Variants in ASIC1 observed in about 807,000 individuals in gnomAD.
ASIC1 encodes the protein acid sensing ion channel subunit 1.
ASIC1 carries 21 observed loss-of-function variants against 63.4 expected under a neutral mutation model. That is an observed-to-expected ratio of 0.33 (90% CI 0.23 to 0.48). The LOEUF (loss-of-function observed/expected upper bound fraction) is 0.48, where lower values mean the gene tolerates loss of function less well. Ranked by LOEUF, ASIC1 falls within the 20% of genes least tolerant of loss-of-function variation. ASIC1 has a pLI of 0.99. For missense variants in ASIC1, 478 were observed against 695.5 expected, an observed-to-expected ratio of 0.69 and a Z score of 3.52; for synonymous variants, 258 against 278.2, an observed-to-expected ratio of 0.93 and a Z score of 0.72.
intron 3 of ASIC1, among the ~76,000 whole-genome samples, chr12:50,076,466 C>CA (rs11461680): frequency 0.57 from 83,319 of 144,934 alleles, 23,919 homozygotes; most frequent in African/African-American, 0.69. Context: ...GACTCCATCC[C>CA]AAAAAAAAAA....
intron 4 of ASIC1, 45 bp downstream of exon 4, chr12:50,077,408 C>T: frequency 6.2e-7 from 1 of 1,609,202 alleles, no homozygotes; most frequent in Non-Finnish European, 8.5e-7. Flanking sequence ...CTCTAGGCCC[C>T]AGCCTCTGCC....
At chr12:50,073,734 A>C in intron 3 of ASIC1, 1 of 1,536,536 alleles carries the variant, frequency 6.5e-7, no homozygotes, top group Non-Finnish European at 8.7e-7. Context: ...AAAAGGAGGC[A>C]GTGAGGAAGG....
rs1188353222 is a variant in ASIC1 at position 50,083,424 on chromosome 12, T to C, written c.*1775T>C. ...AGAACAGGACCTGTGAGCAGCTGCA[T>C]TGGCCTGGAGCTGGAGAGTAAGGCT... is the stretch of plus-strand genomic sequence containing the variant. On this transcript the variant is annotated 3_prime_UTR_variant, in exon 12 of 12. Coordinates refer to ENST00000447966, the MANE Select transcript of ASIC1 (RefSeq NM_001095.4). 1 of 152,616 alleles carries C rather than the reference T, an allele frequency of 6.6e-6. No homozygotes were observed. The highest frequency in any genetic ancestry group is 1.5e-5 in the Non-Finnish European group (1 of 68,130). The allele number at this position is 152,616 out of a possible 1,614,324, so 9.5% of individuals were successfully genotyped here. A position where few individuals can be genotyped will look rare whatever the true frequency, so the allele number is the denominator to read the frequency against.
rs192015419 is a variant in ASIC1, at chr12:50,067,843, C to T, written c.558+7889C>T. Among the ~76,000 whole-genome samples the T allele has an allele frequency of 2.2e-3, 334 of 152,252 alleles. 3 individuals are homozygous for T. Among genetic ancestry groups the T allele is most frequent in the Non-Finnish European group, 3.6e-3 (247 of 68,012 alleles). On this transcript the variant is annotated intron_variant, in intron 3 of 11. Coordinates refer to ENST00000447966, the MANE Select transcript of ASIC1 (RefSeq NM_001095.4). ...TTTCTTCTACTTGGCCATTTAGTGT[C>T]ATCACTACTCAAGGCTCAGTCTCAA... is the stretch of plus-strand genomic sequence containing the variant.
chr12:50,073,903 G>C (rs995462064), intron 3 of ASIC1: 2 of 1,535,118 alleles, frequency 1.3e-6, no homozygotes, highest in Non-Finnish European at 1.7e-6. Flanking sequence ...CCTGTGCCAG[G>C]TAGGGGACCG....
intron 3 of ASIC1, among the ~76,000 whole-genome samples, chr12:50,067,567 C>T (rs566778606): frequency 7.2e-5 from 11 of 152,054 alleles, no homozygotes; most frequent in Admixed American, 2.0e-4. Flanking sequence ...TGCCACCATG[C>T]GCGGCTATTT....
chr12:50,069,207 T>C (rs1363559576), intron 3 of ASIC1, among the ~76,000 whole-genome samples: 2 of 138,878 alleles, frequency 1.4e-5, no homozygotes, highest in Non-Finnish European at 3.4e-5. Flanking sequence ...CACACAAATA[T>C]ATACACACAC....
At chr12:50,058,531 G>A (rs1950468744) in intron 1 of ASIC1, among the ~76,000 whole-genome samples, 1 of 152,202 alleles carries the variant, frequency 6.6e-6, no homozygotes, top group Admixed American at 6.5e-5. Flanking sequence ...TCTCTGGGGA[G>A]CATTCTCTTG....
At position 50,081,802 on chromosome 12, in the gene ASIC1, G is replaced by A. The variant is rs1439507435; in HGVS notation, c.*153G>A. On this transcript the variant is annotated 3_prime_UTR_variant, in exon 12 of 12. Transcript: ENST00000447966. ...TGGTAAGGAAGGAGTCTTGACCATA[G>A]AGTCCTCTCTCTGCCTCTATCCCAT... 3.1e-6 allele frequency: 2 copies of A among 652,118 alleles called. No individual in the cohort carries two copies. Among genetic ancestry groups the A allele is most frequent in the Admixed American group, 2.9e-5 (1 of 35,042 alleles). The allele number at this position is 652,118 out of a possible 1,614,324, so 40.4% of individuals were successfully genotyped here.
rs531831263 is a variant in ASIC1, at chr12:50,068,935, T to C, written c.559-8278T>C. On this transcript the variant is annotated intron_variant, in intron 3 of 11. Transcript: ENST00000447966. ...AGCAGCCCTTCTATATCCTTCACTC[T>C]GCAGCCAGAGTGGTCTTTTCAAATC... Among the ~76,000 whole-genome samples the C allele has an allele frequency of 8.5e-5, 13 of 152,302 alleles. No homozygotes were observed. In the East Asian group the frequency reaches 2.5e-3, roughly 29 times the overall value.
intron 7 of ASIC1, among the ~76,000 whole-genome samples, chr12:50,079,674 G>A (rs187123105): frequency 3.3e-5 from 5 of 152,252 alleles, no homozygotes; most frequent in Admixed American, 6.5e-5. Context: ...CATCTACATC[G>A]TTGGTTCAGT....
intron 3 of ASIC1, among the ~76,000 whole-genome samples, chr12:50,063,756 G>A (rs1950521991): frequency 6.6e-6 from 1 of 152,124 alleles, no homozygotes; most frequent in Non-Finnish European, 1.5e-5. Flanking sequence ...GTGGGCGCCT[G>A]ATCCTGGGAC....
At chr12:50,073,786 GCC>G (rs1280642796) in intron 3 of ASIC1, 2 of 1,535,932 alleles carry the variant, frequency 1.3e-6, no homozygotes, top group East Asian at 4.9e-5. Flanking sequence ...GGTGGCCTTT[GCC>G]AACAGCTGCA....
rs1335133776 is a variant in ASIC1 at position 50,058,964 on chromosome 12, G to T, written c.198G>T (p.Gln66His). 1 of 1,614,094 alleles carries T rather than the reference G, an allele frequency of 6.2e-7. No homozygotes were observed. Among genetic ancestry groups the T allele is most frequent in the East Asian group, 2.2e-5 (1 of 44,900 alleles). ...VLLCVCTERVQYYFHYHHVTK... is the reference protein window; with the variant it reads ...VLLCVCTERVHYYFHYHHVTK... ...TGTGTGTGTGCACGGAGCGTGTGCAGTACTACTTCCACTACCACCATGTCA... is the reference window on the plus strand; with the variant it reads ...TGTGTGTGTGCACGGAGCGTGTGCATTACTACTTCCACTACCACCATGTCA... Residue 66 changes from glutamine (Q) to histidine (H), a missense_variant, in exon 2 of 12, where the codon CAG becomes CAT. Physicochemically the swap from Gln to His is conservative, Grantham distance 24. This residue lies in a region of ASIC1 where 290 missense variants were observed against 414.9 expected (regional missense o/e 0.70). Coordinates refer to ENST00000447966, the MANE Select transcript of ASIC1 (RefSeq NM_001095.4).
Position 50,080,044 on chromosome 12 carries a change from G to A in ASIC1, c.1194G>A (p.Glu398=), listed in dbSNP as rs201684162. Reference sequence around the variant, plus strand: ...TGGCCAAGAAGTTCAACAAATCTGAGCAATACATAGGGTAAGGGCTCTGGC... The same window carrying A: ...TGGCCAAGAAGTTCAACAAATCTGAACAATACATAGGGTAAGGGCTCTGGC... ...KYLAKKFNKS[E]QYIGENILVL... The change falls in exon 8 of 12, where the codon GAG becomes GAA. Residue 398 remains glutamate (E), a synonymous_variant. Transcript: ENST00000447966. The A allele has an allele frequency of 1.2e-4, 188 of 1,612,382 alleles. 2 individuals carry two copies. In the East Asian group the frequency reaches 3.3e-3, roughly 28 times the overall value.
chr12:50,062,232 G>C (rs755931369), intron 3 of ASIC1, among the ~76,000 whole-genome samples: 18 of 152,140 alleles, frequency 1.2e-4, no homozygotes, highest in Non-Finnish European at 1.9e-4. Context: ...CAGCTCCCCA[G>C]TCCTAAGGGC....
Position 50,074,262 on chromosome 12 carries a change from C to T in ASIC1, c.559-2951C>T. On this transcript the variant is annotated intron_variant, in intron 3 of 11. Transcript: ENST00000447966. This position sits in a 1 kb window ranked among gnomAD's most constrained non-coding sequence, Gnocchi z 4.2. ...TCTCAGTGGTGAGTGGAGCCCCATG[C>T]CTGCCACAGTACCCCAAGAGTGTCT... The T allele has an allele frequency of 6.9e-7, 1 of 1,455,678 alleles. No individual in the cohort carries two copies. Among genetic ancestry groups the T allele is most frequent in the African/African-American group, 1.4e-5 (1 of 70,446 alleles). The allele number at this position is 1,455,678 out of a possible 1,614,324, so 90.2% of individuals were successfully genotyped here.
intron 3 of ASIC1, among the ~76,000 whole-genome samples, chr12:50,073,363 G>C (rs796276242): frequency 6.6e-6 from 1 of 152,050 alleles, no homozygotes; most frequent in Non-Finnish European, 1.5e-5. Context: ...CCAGACACCC[G>C]CCCTCCCTGG....
At position 50,078,726 on chromosome 12, in the gene ASIC1, C is replaced by T. The variant is rs750443150; in HGVS notation, c.994+149C>T. On this transcript the variant is annotated intron_variant, in intron 6 of 11. Coordinates refer to ENST00000447966, the MANE Select transcript of ASIC1 (RefSeq NM_001095.4). The surrounding 1 kb of genome is among the most constrained non-coding windows in gnomAD (Gnocchi z 6.0). Reference sequence around the variant, plus strand: ...CTCATGTCTCTCTGACCTCAGTTCCCGCCTGCACCCCCAGGGATGGGTGGG... The same window carrying T: ...CTCATGTCTCTCTGACCTCAGTTCCTGCCTGCACCCCCAGGGATGGGTGGG... 81 of 1,377,316 alleles carry T rather than the reference C, an allele frequency of 5.9e-5. No homozygotes were observed. In the Middle Eastern group the frequency reaches 7.2e-4, roughly 12 times the overall value. The allele number at this position is 1,377,316 out of a possible 1,614,324, so 85.3% of individuals were successfully genotyped here. A position where few individuals can be genotyped will look rare whatever the true frequency, so the allele number is the denominator to read the frequency against.
Sources: gnomAD v4.1 joint callset for allele counts (sites outside exome capture counted in the v4.1 genomes callset) on GRCh38, gnomAD v4.1.1 for gene constraint, gnomAD v4.1.1 regional missense constraint, Gnocchi (gnomAD v3.1) non-coding constraint, MANE v1.5 for transcripts, NCBI Gene and HGNC (gene_info 2026-07-23, HGNC 2026-07-21) for gene names.